CACNA1C: variants seen among roughly 807,000 people sequenced by gnomAD.
The protein encoded by CACNA1C is voltage-dependent L-type calcium channel subunit alpha-1C.
In CACNA1C, 30 loss-of-function variants were observed where a neutral mutation model predicts 229.0. That is an observed-to-expected ratio of 0.13 (90% CI 0.10 to 0.18). The LOEUF is 0.18. CACNA1C is among the 10% of genes least tolerant of loss of function. CACNA1C has a pLI of 1.00. For missense variants in CACNA1C, 1,658 were observed against 2,845.0 expected (o/e 0.58, Z 9.49); for synonymous variants, 1,114 against 1,132.5 (o/e 0.98, Z 0.33).
At chr12:2,266,629 G>A (rs139723191) in intron 3 of CACNA1C, among the ~76,000 whole-genome samples, 252 of 152,368 alleles carry the variant, frequency 1.7e-3, no homozygotes, top group Middle Eastern at 3.4e-3. Context: ...GGTTTGGTAA[G>A]TGAGTGACCT....
At chr12:2,634,462 T>A in intron 30 of CACNA1C, 82 bp downstream of exon 30, 1 of 570,104 alleles carries the variant, frequency 1.8e-6, no homozygotes. Flanking sequence ...TCCTTCATTT[T>A]ATTTTCTCTC....
chr12:2,159,700 G>A (rs1485845499), intron 3 of CACNA1C, among the ~76,000 whole-genome samples: 1 of 151,502 alleles, frequency 6.6e-6, no homozygotes, highest in Admixed American at 6.6e-5. Flanking sequence ...CACCTCCCGG[G>A]TTCAAGCAAT....
At chr12:2,187,517 G>A (rs965219847) in intron 3 of CACNA1C, among the ~76,000 whole-genome samples, 9 of 122,138 alleles carry the variant, frequency 7.4e-5, no homozygotes, top group Admixed American at 1.6e-4. Flanking sequence ...CCAAGGCTGA[G>A]CATCTGCGCA....
At chr12:2,491,406 G>A (rs1196266210) in intron 6 of CACNA1C, among the ~76,000 whole-genome samples, 1 of 152,056 alleles carries the variant, frequency 6.6e-6, no homozygotes, top group Non-Finnish European at 1.5e-5. Context: ...GATGGGGTCA[G>A]TGGGAGAGAA....
intron 3 of CACNA1C, among the ~76,000 whole-genome samples, chr12:2,136,017 T>C (rs12305209): frequency 0.015 from 2,195 of 150,454 alleles, 67 homozygotes; most frequent in African/African-American, 0.051. Context: ...TGGTGCGCCG[T>C]TTTTTAAGCC....
In CACNA1C at chr12:2,624,763, G is replaced by A. The variant is rs995574148; in HGVS notation, c.3829-9534G>A. Among the ~76,000 whole-genome samples, 3 of 152,198 alleles carry A rather than the reference G, an allele frequency of 2.0e-5. No homozygotes were observed. In the East Asian group the frequency reaches 5.8e-4, roughly 29 times the overall value. Reference sequence around the variant, plus strand: ...ATAGCCTCAGGCTGGCTGACTCAGCGTCTTAGTGACTTTTAGATGAAACCT... The same window carrying A: ...ATAGCCTCAGGCTGGCTGACTCAGCATCTTAGTGACTTTTAGATGAAACCT... On this transcript the variant is annotated intron_variant, in intron 29 of 46. Coordinates refer to ENST00000399655, the MANE Select transcript of CACNA1C (RefSeq NM_000719.7).
chr12:2,535,175 G>C (rs928394068), intron 9 of CACNA1C, among the ~76,000 whole-genome samples: 5 of 148,606 alleles, frequency 3.4e-5, no homozygotes, highest in African/African-American at 1.0e-4. Context: ...AGATCACGAG[G>C]TCAGGAGATT....
Position 2,488,130 on chromosome 12 carries a change from C to A in CACNA1C, c.916+1868C>A, listed in dbSNP as rs1260450856. Among the ~76,000 whole-genome samples the A allele has an allele frequency of 6.6e-6, 1 of 152,190 alleles. No homozygotes were observed. The highest frequency in any genetic ancestry group is 2.4e-5 in the African/African-American group (1 of 41,446). On this transcript the variant is annotated intron_variant, in intron 6 of 46. Transcript: ENST00000399655. This position sits in a 1 kb window ranked among gnomAD's most constrained non-coding sequence, Gnocchi z 4.0. The stretch of plus-strand genomic sequence containing the variant: ...AGCCAAAGATGGCGGCCCTGCTGTG[C>A]AATCAGAGGTCTGTGCACCACAGAG...
At chr12:2,478,112 G>C (rs1190512978) in intron 5 of CACNA1C, among the ~76,000 whole-genome samples, 1 of 152,112 alleles carries the variant, frequency 6.6e-6, no homozygotes, top group Non-Finnish European at 1.5e-5. Context: ...AGAATAAAAG[G>C]GCAGAGAGAA....
chr12:2,319,740 C>T lies in CACNA1C; in HGVS notation c.478-129236C>T, dbSNP rs542365160. ...TGGTGCTCACGGGGGTGTGCTGGGC[C>T]GGGAGAGGATGAGCATTCCTCAAGA... is the stretch of plus-strand genomic sequence containing the variant. On this transcript the variant is annotated intron_variant, in intron 3 of 46. Transcript: ENST00000399655. The surrounding 1 kb of genome is among the most constrained non-coding windows in gnomAD (Gnocchi z 4.0). Among the ~76,000 whole-genome samples, 27 of 152,050 alleles carry T rather than the reference C, an allele frequency of 1.8e-4. No individual in the cohort carries two copies. The highest frequency in any genetic ancestry group is 1.9e-4 in the East Asian group (1 of 5,160).
chr12:2,455,792 A>C (rs1451707776), intron 4 of CACNA1C, among the ~76,000 whole-genome samples: 1 of 152,034 alleles, frequency 6.6e-6, no homozygotes, highest in East Asian at 1.9e-4. Context: ...CGCTCTCTTC[A>C]TGGGGCGCCG....
At chr12:2,498,597 C>G (rs1201068181) in intron 7 of CACNA1C, among the ~76,000 whole-genome samples, 1 of 152,170 alleles carries the variant, frequency 6.6e-6, no homozygotes, top group South Asian at 2.1e-4. Flanking sequence ...TAAGGCCTGC[C>G]CAGGCAGTTC....
chr12:2,085,787 C>G (rs1250006307), intron 1 of CACNA1C, among the ~76,000 whole-genome samples: 1 of 152,192 alleles, frequency 6.6e-6, no homozygotes, highest in East Asian at 1.9e-4. Context: ...GAGGCCTTTG[C>G]TAGCACCCTG....
chr12:2,504,917 C>T lies in CACNA1C; in HGVS notation c.1189C>T (p.Leu397Phe). 1 of 1,600,760 alleles carries T rather than the reference C, an allele frequency of 6.2e-7. No individual in the cohort carries two copies. The highest frequency in any genetic ancestry group is 8.6e-7 in the Non-Finnish European group (1 of 1,168,012). ...TLIIIGSFFV[L>F]NLVLGVLSGE... ...AATCATCATAGGGTCATTTTTTGTA[C>T]TTAACTTGGTTCTCGGTGTGCTTAG... The change falls in exon 8 of 47, where the codon CTT becomes TTT. Residue 397 changes from leucine to phenylalanine, a missense_variant. By Grantham distance (22) the Leu-to-Phe change is conservative. Transcript: ENST00000399655. This position sits in a 1 kb window ranked among gnomAD's most constrained non-coding sequence, Gnocchi z 6.8.
chr12:1,973,808 CTTAAAT>C (rs1236741665), intron 1 of CACNA1C, among the ~76,000 whole-genome samples: 5 of 152,182 alleles, frequency 3.3e-5, no homozygotes, highest in Non-Finnish European at 5.9e-5. Flanking sequence ...TTGTTGGCCA[CTTAAAT>C]TTATATTTTC....
At chr12:2,150,849 G>A (rs547594520) in intron 3 of CACNA1C, among the ~76,000 whole-genome samples, 1 of 152,300 alleles carries the variant, frequency 6.6e-6, no homozygotes, top group South Asian at 2.1e-4. Flanking sequence ...TCCATTAGTA[G>A]AGTGCTATAT....
chr12:2,059,331 A>G (rs938034097), intron 1 of CACNA1C, among the ~76,000 whole-genome samples: 2 of 152,030 alleles, frequency 1.3e-5, no homozygotes, highest in African/African-American at 4.8e-5. Flanking sequence ...GTGGAGCTGA[A>G]CTGAATTTAA....
chr12:2,450,398 C>CA (rs902842047), intron 4 of CACNA1C, among the ~76,000 whole-genome samples: 5 of 151,530 alleles, frequency 3.3e-5, no homozygotes, highest in Admixed American at 6.6e-5. Flanking sequence ...ACTAAAAATA[C>CA]AAAAACTTAG....
At chr12:2,658,799 T>C (rs923303052) in intron 34 of CACNA1C, among the ~76,000 whole-genome samples, 16 of 151,870 alleles carry the variant, frequency 1.1e-4, no homozygotes, top group Non-Finnish European at 1.5e-4. Context: ...GATCCTGACC[T>C]TGAGTAGGCC....
Sources: allele counts gnomAD v4.1 joint callset (sites outside exome capture counted in the v4.1 genomes callset), GRCh38; gene constraint gnomAD v4.1.1; non-coding constraint Gnocchi (gnomAD v3.1); transcripts MANE v1.5; gene names NCBI Gene and HGNC (gene_info 2026-07-23, HGNC 2026-07-21).